Variants in TBC1D30 observed in about 807,000 individuals in gnomAD.
TBC1D30 encodes TBC1 domain family, member 30.
Under a neutral mutation model 63.2 loss-of-function variants are expected in TBC1D30, and 31 were observed. The ratio of observed to expected loss-of-function variants is 0.49; its 90% CI spans 0.37 to 0.66. TBC1D30 has a LOEUF of 0.66. Ranked by LOEUF, TBC1D30 falls within the 30% of genes least tolerant of loss-of-function variation. TBC1D30 has a pLI of 0.00. For synonymous variants in TBC1D30, 307 were observed against 361.5 expected (o/e 0.85, Z 1.71); for missense variants, 810 against 953.6 (o/e 0.85, Z 1.98).
chr12:64,776,890 C>T (rs1351932565), upstream of TBC1D30, among the ~76,000 whole-genome samples: 7 of 152,162 alleles, frequency 4.6e-5, no homozygotes, highest in African/African-American at 1.7e-4. Flanking sequence ...TCCAGCAGCA[C>T]ATCAAAAAAC....
At chr12:64,874,829 C>T (rs890056102) in intron 11 of TBC1D30, among the ~76,000 whole-genome samples, 172 bp from the exon 12 acceptor site, 2 of 152,122 alleles carry the variant, frequency 1.3e-5, no homozygotes, top group Non-Finnish European at 1.5e-5. Context: ...CCAGGCTCTT[C>T]GGTTGAATTC....
Position 64,824,986 on chromosome 12 carries a change from G to A in TBC1D30, c.107G>A (p.Ser36Asn), listed in dbSNP as rs1874180035. 9.1e-6 allele frequency: 14 copies of A among 1,534,512 alleles called. No individual in the cohort carries two copies. Among genetic ancestry groups the A allele is most frequent in the Non-Finnish European group, 1.1e-5 (13 of 1,146,526 alleles). The change falls in exon 1 of 12, where the codon AGC becomes AAC. Residue 36 changes from serine to asparagine, a missense_variant. This residue lies in a region of TBC1D30 where 272 missense variants were observed against 335.9 expected (regional missense o/e 0.81). Transcript: ENST00000539867. ...TILSNVLKKRSCISRTAPRLL... is the reference protein window; with the variant it reads ...TILSNVLKKRNCISRTAPRLL... ...CTGAGCAATGTGCTCAAGAAGCGCAGCTGCATTTCCCGGACCGCGCCCCGG... is the reference window on the plus strand; with the variant it reads ...CTGAGCAATGTGCTCAAGAAGCGCAACTGCATTTCCCGGACCGCGCCCCGG...
At chr12:64,776,858 A>G (rs1355100436), upstream of TBC1D30, among the ~76,000 whole-genome samples, 1 of 152,230 alleles carries the variant, frequency 6.6e-6, no homozygotes, top group East Asian at 1.9e-4. Flanking sequence ...AAAAATCCTC[A>G]ACAAAATACT....
At chr12:64,837,670 G>A (rs1454220393) in intron 6 of TBC1D30, among the ~76,000 whole-genome samples, 3 of 152,140 alleles carry the variant, frequency 2.0e-5, no homozygotes, top group Non-Finnish European at 4.4e-5. Flanking sequence ...AGCAGGCCAC[G>A]GACCCAGAGA....
chr12:64,812,977 A>T (rs1043536498), intron 2 of TBC1D30, among the ~76,000 whole-genome samples: 1 of 152,182 alleles, frequency 6.6e-6, no homozygotes, highest in Non-Finnish European at 1.5e-5. Flanking sequence ...GTGATCTTGC[A>T]TTAAATTTCT....
chr12:64,859,075 C>A (rs115837480), intron 8 of TBC1D30, among the ~76,000 whole-genome samples: 1 of 149,720 alleles, frequency 6.7e-6, no homozygotes, highest in Non-Finnish European at 1.5e-5. Flanking sequence ...CATATATATG[C>A]GAGGGTGTTG....
At chr12:64,820,923 G>T (rs1451050081), upstream of TBC1D30, among the ~76,000 whole-genome samples, 1 of 152,158 alleles carries the variant, frequency 6.6e-6, no homozygotes, top group Admixed American at 6.5e-5. Flanking sequence ...TAATTCCTTT[G>T]CTGTTTATTG....
chr12:64,832,804 A>G (rs191740770), intron 5 of TBC1D30, among the ~76,000 whole-genome samples: 13 of 152,296 alleles, frequency 8.5e-5, no homozygotes, highest in African/African-American at 2.2e-4. Context: ...GACTGAGGCC[A>G]TGGTTCCTTG....
chr12:64,844,968 A>ATTT (rs1183253417), intron 8 of TBC1D30, among the ~76,000 whole-genome samples: 2 of 152,174 alleles, frequency 1.3e-5, no homozygotes, highest in African/African-American at 4.8e-5. Context: ...TTATGGCTGA[A>ATTT]TAGTACTCCA....
intron 10 of TBC1D30, 52 bp downstream of exon 10, chr12:64,866,955 A>G: frequency 6.6e-7 from 1 of 1,523,802 alleles, no homozygotes; most frequent in South Asian, 1.2e-5. Flanking sequence ...GTTTACTACA[A>G]TAAGAGTGAT....
At chr12:64,775,092 CAAA>C (rs111986258) in intron 1 of TBC1D30, among the ~76,000 whole-genome samples, 66 of 107,206 alleles carry the variant, frequency 6.2e-4, no homozygotes, top group African/African-American at 2.2e-3. Context: ...GACTGTGTCT[CAAA>C]AAAAAAAAAA....
rs1213683688 is a variant in TBC1D30, at chr12:64,828,485, A to G, written c.258A>G (p.Gly86=). 1.3e-6 allele frequency: 2 copies of G among 1,535,848 alleles called. No individual in the cohort carries two copies. The highest frequency in any genetic ancestry group is 4.9e-5 in the East Asian group (2 of 40,904). Residue 86 remains glycine (G), a synonymous_variant, in exon 3 of 12, where the codon GGA becomes GGG. Transcript: ENST00000539867. The stretch of plus-strand genomic sequence containing the variant: ...AGGCAGTTGCCAGGCTATCCACAGG[A>G]ATACCAAAGGAATGGAGGAGAAAGG... The part of the protein sequence containing the change: ...ALKAVARLST[G]IPKEWRRKVW...
chr12:64,796,207 G>A (rs1168139236), intron 2 of TBC1D30, among the ~76,000 whole-genome samples: 1 of 151,464 alleles, frequency 6.6e-6, no homozygotes, highest in Admixed American at 6.6e-5. Context: ...TTATAAAGGG[G>A]TTGATTTGTA....
At chr12:64,800,088 AGAGT>A (rs1179707782) in intron 2 of TBC1D30, among the ~76,000 whole-genome samples, 2 of 152,226 alleles carry the variant, frequency 1.3e-5, no homozygotes, top group East Asian at 3.8e-4. Context: ...CCTGGGCTAC[AGAGT>A]GAGACTCCCT....
intron 4 of TBC1D30, among the ~76,000 whole-genome samples, chr12:64,831,107 A>G (rs1190713904): frequency 2.6e-5 from 4 of 152,208 alleles, no homozygotes; most frequent in Non-Finnish European, 4.4e-5. Flanking sequence ...TTGATTTTAT[A>G]TGAGTACATT....
At chr12:64,815,994 G>A (rs971475590) in intron 2 of TBC1D30, among the ~76,000 whole-genome samples, 2 of 151,338 alleles carry the variant, frequency 1.3e-5, no homozygotes, top group Admixed American at 6.6e-5. Flanking sequence ...CTCAGGCTAA[G>A]GTTCTTAATA....
chr12:64,840,232 C>T (rs1168387091), intron 7 of TBC1D30, among the ~76,000 whole-genome samples: 1 of 152,110 alleles, frequency 6.6e-6, no homozygotes, highest in Non-Finnish European at 1.5e-5. Flanking sequence ...CATGTATTTC[C>T]AACTTACTCT....
intron 7 of TBC1D30, among the ~76,000 whole-genome samples, chr12:64,842,813 G>A (rs1296706422): frequency 4.6e-5 from 7 of 151,940 alleles, no homozygotes; most frequent in African/African-American, 1.7e-4. Context: ...TGTGTCCCAT[G>A]GAAGCAATAA....
chr12:64,823,686 C>T (rs149720263), upstream of TBC1D30, among the ~76,000 whole-genome samples: 8 of 152,202 alleles, frequency 5.3e-5, no homozygotes, highest in East Asian at 7.7e-4. Context: ...GATGGGGTCT[C>T]GCTATGTTGC....
Sources: gnomAD v4.1 joint callset for allele counts (sites outside exome capture counted in the v4.1 genomes callset) on GRCh38, gnomAD v4.1.1 for gene constraint, gnomAD v4.1.1 regional missense constraint, MANE v1.5 for transcripts, NCBI Gene and HGNC (gene_info 2026-07-23, HGNC 2026-07-21) for gene names.